Variants in UST observed in about 807,000 individuals in gnomAD.
UST encodes the protein uronyl 2-sulfotransferase, also known as chondroitin sulfate 2-O-sulfotransferase.
A neutral mutation model predicts 45.6 loss-of-function variants in UST; 21 were observed. The ratio of observed to expected loss-of-function variants is 0.46; its 90% CI spans 0.33 to 0.66. UST has a LOEUF of 0.66. UST is among the 30% of genes least tolerant of loss of function. UST has a pLI of 0.02. For missense variants in UST, 463 were observed against 512.4 expected, an observed-to-expected ratio of 0.90 and a Z score of 0.93; for synonymous variants, 215 against 200.6, an observed-to-expected ratio of 1.07 and a Z score of -0.61.
intron 1 of UST, among the ~76,000 whole-genome samples, chr6:148,858,668 C>T (rs1360644179): frequency 6.6e-6 from 1 of 152,066 alleles, no homozygotes; most frequent in Non-Finnish European, 1.5e-5. Context: ...CCACAACAGG[C>T]CCGGGCGTGT....
intron 5 of UST, among the ~76,000 whole-genome samples, chr6:149,008,404 A>G (rs954523338): frequency 1.3e-5 from 2 of 152,072 alleles, no homozygotes; most frequent in Admixed American, 1.3e-4. Context: ...GGTGGGTGGA[A>G]CTCGCCCTTG....
At chr6:148,779,548 C>G (rs1776599122) in intron 1 of UST, among the ~76,000 whole-genome samples, 3 of 152,180 alleles carry the variant, frequency 2.0e-5, no homozygotes, top group Admixed American at 1.3e-4. Flanking sequence ...GTTGCTCCCA[C>G]CACGCCAGGG....
At chr6:148,840,951 C>G (rs1370079764) in intron 1 of UST, among the ~76,000 whole-genome samples, 2 of 151,672 alleles carry the variant, frequency 1.3e-5, no homozygotes, top group East Asian at 3.9e-4. Flanking sequence ...CCTTACCATG[C>G]TGTAGCCTCT....
intron 1 of UST, among the ~76,000 whole-genome samples, chr6:148,873,120 T>G (rs1011856213): frequency 3.3e-5 from 5 of 152,208 alleles, no homozygotes; most frequent in African/African-American, 7.2e-5. Context: ...ACAAATGTGA[T>G]GCTGAAATTT....
intron 5 of UST, among the ~76,000 whole-genome samples, chr6:149,014,948 G>A (rs57955571): frequency 1.3e-5 from 2 of 152,062 alleles, no homozygotes; most frequent in Non-Finnish European, 2.9e-5. Flanking sequence ...GGGCACCTCT[G>A]GAGGCTGCAC....
At chr6:148,857,781 T>A (rs1209943559) in intron 1 of UST, among the ~76,000 whole-genome samples, 1 of 119,878 alleles carries the variant, frequency 8.3e-6, no homozygotes, top group East Asian at 3.0e-4. Context: ...AAAAAAAAAA[T>A]TCCCAGATGT....
chr6:149,014,006 G>A (rs1775858679), intron 5 of UST, among the ~76,000 whole-genome samples: 1 of 150,042 alleles, frequency 6.7e-6, no homozygotes, highest in African/African-American at 2.4e-5. Context: ...TGAAATCCAA[G>A]AGAGGAAGCA....
intron 2 of UST, among the ~76,000 whole-genome samples, chr6:148,940,418 C>T (rs999849808): frequency 1.3e-5 from 2 of 151,932 alleles, no homozygotes; most frequent in Admixed American, 6.6e-5. Context: ...CGCATGAGCC[C>T]GGGAGACGGA....
chr6:148,808,907 C>T (rs561046087), intron 1 of UST, among the ~76,000 whole-genome samples: 3 of 152,338 alleles, frequency 2.0e-5, no homozygotes, highest in Admixed American at 6.5e-5. Flanking sequence ...AGAGCCCTCA[C>T]CAGGAATTGA....
intron 1 of UST, among the ~76,000 whole-genome samples, chr6:148,774,468 C>G (rs558383738): frequency 1.2e-4 from 19 of 152,096 alleles, no homozygotes; most frequent in African/African-American, 4.1e-4. Flanking sequence ...AATAATAACT[C>G]AAATTCAGGA....
chr6:148,861,910 A>C (rs1053083440), intron 1 of UST, among the ~76,000 whole-genome samples: 1 of 150,446 alleles, frequency 6.6e-6, no homozygotes, highest in Non-Finnish European at 1.5e-5. Context: ...GGAGTGCTTT[A>C]CTTCCAACTA....
At chr6:148,949,424 ATAATAATAATAT>A (rs60010041) in intron 3 of UST, among the ~76,000 whole-genome samples, 39,526 of 132,932 alleles carry the variant, frequency 0.3, 5,938 homozygotes, top group Middle Eastern at 0.38. Flanking sequence ...AATAATAATA[ATAATAATAATAT>A]TACTTATTCA....
At chr6:149,000,226 C>A (rs1185369122) in intron 5 of UST, among the ~76,000 whole-genome samples, 1 of 152,166 alleles carries the variant, frequency 6.6e-6, no homozygotes, top group Non-Finnish European at 1.5e-5. Flanking sequence ...TGGAACTATG[C>A]CCTTATAAGA....
intron 5 of UST, among the ~76,000 whole-genome samples, chr6:148,976,385 G>C (rs1781017723): frequency 6.6e-6 from 1 of 152,140 alleles, no homozygotes; most frequent in Admixed American, 6.5e-5. Context: ...GTTAAGAGAT[G>C]GGCATTTGCC....
intron 1 of UST, among the ~76,000 whole-genome samples, chr6:148,766,387 C>T (rs1338918399): frequency 6.6e-6 from 1 of 151,596 alleles, no homozygotes; most frequent in Non-Finnish European, 1.5e-5. Context: ...TGCTCTCACC[C>T]ACGCACCCAC....
In UST at chr6:148,854,669, A is replaced by AG. The variant is rs532027714; in HGVS notation, c.248-32315dup. On this transcript the variant is annotated intron_variant, in intron 1 of 7. Coordinates refer to ENST00000367463, the MANE Select transcript of UST (RefSeq NM_005715.3). ...AAAATATCAGGTGGGGGAAGGAGCAAGGATAGCTGGGGGAGGGCTGAGCTT... is the reference window on the plus strand; with the variant it reads ...AAAATATCAGGTGGGGGAAGGAGCAAGGGATAGCTGGGGGAGGGCTGAGCTT... Among the ~76,000 whole-genome samples the AG allele has an allele frequency of 2.6e-5, 4 of 152,206 alleles. No individual in the cohort carries two copies. The South Asian group carries it at 8.3e-4, about 32-fold the overall frequency.
chr6:148,955,375 G>A (rs112265624), intron 4 of UST, among the ~76,000 whole-genome samples: 1 of 152,366 alleles, frequency 6.6e-6, no homozygotes, highest in East Asian at 1.9e-4. Flanking sequence ...ATTCAGTAAA[G>A]CAAGTTATTA....
At chr6:148,793,267 T>C (rs1776885399) in intron 1 of UST, among the ~76,000 whole-genome samples, 1 of 141,984 alleles carries the variant, frequency 7.0e-6, no homozygotes, top group Non-Finnish European at 1.6e-5. Context: ...GGAGTTACTT[T>C]TGTAATATGT....
At chr6:149,039,685 A>G (rs991299402) in intron 7 of UST, among the ~76,000 whole-genome samples, 13 of 152,158 alleles carry the variant, frequency 8.5e-5, no homozygotes, top group Admixed American at 5.9e-4. Flanking sequence ...AGCTTTTTCT[A>G]TTTTTGTGAT....
Sources: gnomAD v4.1 joint callset for allele counts (sites outside exome capture counted in the v4.1 genomes callset) on GRCh38, gnomAD v4.1.1 for gene constraint, MANE v1.5 for transcripts, NCBI Gene and HGNC (gene_info 2026-07-23, HGNC 2026-07-21) for gene names.